Variants in TMEM272 observed in about 807,000 individuals in gnomAD.
TMEM272 encodes transmembrane protein 272, also known as long intergenic non-protein coding RNA 282.
A neutral mutation model predicts 3.7 loss-of-function variants in TMEM272; 8 were observed. The observed-to-expected ratio is 2.17, with a 90% confidence interval of 1.27 to 3.91. The LOEUF is 3.91. TMEM272 is among the 30% of genes most tolerant of loss of function. The pLI is 0.00. For missense variants in TMEM272, 166 were observed against 91.5 expected (o/e 1.81, Z -3.32); for synonymous variants, 63 against 39.8 (o/e 1.58, Z -2.20).
the TMEM272 span, among the ~76,000 whole-genome samples, chr13:51,930,756 A>G: frequency 2.0e-5 from 3 of 151,844 alleles, no homozygotes; most frequent in Non-Finnish European, 4.4e-5. Flanking sequence ...TAGAGCAAAA[A>G]AAAAAAACCC....
the TMEM272 span, chr13:51,865,737 C>T: frequency 6.2e-7 from 1 of 1,613,950 alleles, no homozygotes; most frequent in African/African-American, 1.3e-5. Context: ...GAAGAGAAAA[C>T]TTTCTGGAAA....
In TMEM272 at chr13:51,816,202, G is replaced by A. The variant is rs1434177459; in HGVS notation, c.*549C>T. On this transcript the variant is annotated 3_prime_UTR_variant, in exon 5 of 5. Transcript: ENST00000629372. ...GTCAAACCTATCTGATATAGGGCTGGAAGAGACTGCTCCTTCACTTTCCCA... is the reference window on the plus strand; with the variant it reads ...GTCAAACCTATCTGATATAGGGCTGAAAGAGACTGCTCCTTCACTTTCCCA... 1 of 155,790 alleles carries A rather than the reference G, an allele frequency of 6.4e-6. No individual in the cohort carries two copies. Among genetic ancestry groups the A allele is most frequent in the African/African-American group, 2.4e-5 (1 of 41,486 alleles). 9.7% of individuals were successfully genotyped at this position (155,790 alleles called of 1,614,324 possible). A position where few individuals can be genotyped will look rare whatever the true frequency, so the allele number is the denominator to read the frequency against.
At chr13:51,880,367 T>C in the TMEM272 span, among the ~76,000 whole-genome samples, 2 of 151,926 alleles carry the variant, frequency 1.3e-5, no homozygotes, top group African/African-American at 2.4e-5. Context: ...AGAGAACCTG[T>C]ATAATTATGA....
At chr13:51,909,272 A>T in the TMEM272 span, 2 of 1,046,168 alleles carry the variant, frequency 1.9e-6, no homozygotes, top group Non-Finnish European at 3.0e-6. Context: ...CATGGTATAT[A>T]ATCTTCCCTT....
the TMEM272 span, among the ~76,000 whole-genome samples, chr13:51,872,002 C>T: frequency 2.0e-5 from 3 of 152,272 alleles, no homozygotes; most frequent in East Asian, 5.8e-4. Context: ...ATTCTGGGGA[C>T]TCGCCCATGC....
At chr13:51,922,014 A>G in the TMEM272 span, among the ~76,000 whole-genome samples, 1 of 152,162 alleles carries the variant, frequency 6.6e-6, no homozygotes, top group Non-Finnish European at 1.5e-5. Flanking sequence ...TTTTTAAAAC[A>G]TAACTGTCAA....
chr13:51,822,260 G>T, intron 3 of TMEM272, 123 bp from the exon 4 acceptor site: 1 of 599,400 alleles, frequency 1.7e-6, no homozygotes, highest in Non-Finnish European at 3.0e-6. Context: ...TATGCTTGTG[G>T]GATCTGCTCA....
the TMEM272 span, among the ~76,000 whole-genome samples, chr13:51,860,739 G>GTATATATATATATATATATA: frequency 8.5e-6 from 1 of 118,226 alleles, no homozygotes; most frequent in African/African-American, 3.1e-5. Flanking sequence ...ATGTGTGTGT[G>GTATATATATATATATATATA]TATATATATA....
the TMEM272 span, among the ~76,000 whole-genome samples, chr13:51,860,775 CAT>C: frequency 6.9e-6 from 1 of 145,730 alleles, no homozygotes; most frequent in Admixed American, 6.9e-5. Context: ...ACTTTGTATA[CAT>C]ATACTTTTAT....
the TMEM272 span, among the ~76,000 whole-genome samples, chr13:51,856,961 T>TA: frequency 6.6e-6 from 1 of 152,242 alleles, no homozygotes; most frequent in Non-Finnish European, 1.5e-5. Context: ...AAGGCACTTC[T>TA]ATTTGGATTT....
At chr13:51,855,536 A>C in the TMEM272 span, among the ~76,000 whole-genome samples, 1 of 152,310 alleles carries the variant, frequency 6.6e-6, no homozygotes, top group African/African-American at 2.4e-5. Context: ...AAATAACTAC[A>C]ATTAATAAAT....
At chr13:51,839,872 C>T (rs1956246780) in intron 1 of TMEM272, among the ~76,000 whole-genome samples, 1 of 152,154 alleles carries the variant, frequency 6.6e-6, no homozygotes, top group African/African-American at 2.4e-5. Flanking sequence ...GGCTGAGACT[C>T]GGGGTTCTTA....
intron 2 of TMEM272, among the ~76,000 whole-genome samples, chr13:51,835,452 T>C (rs936786564): frequency 6.6e-6 from 1 of 152,168 alleles, no homozygotes; most frequent in Non-Finnish European, 1.5e-5. Context: ...TCTCGATCTC[T>C]TGACGTCGTG....
the TMEM272 span, among the ~76,000 whole-genome samples, chr13:51,884,914 G>A: frequency 8.5e-5 from 13 of 152,306 alleles, no homozygotes; most frequent in African/African-American, 3.1e-4. Context: ...AAATGAGGAA[G>A]TTATAGCTAG....
chr13:51,928,994 C>T, the TMEM272 span, among the ~76,000 whole-genome samples: 4 of 152,136 alleles, frequency 2.6e-5, no homozygotes, highest in South Asian at 2.1e-4. Context: ...GTCAGGAGAT[C>T]GAGACCATCC....
At chr13:51,865,328 A>G in the TMEM272 span, 1 of 1,474,364 alleles carries the variant, frequency 6.8e-7, no homozygotes, top group Non-Finnish European at 9.1e-7. Context: ...TGCTGCCCCC[A>G]CAGGGTCTGA....
the TMEM272 span, among the ~76,000 whole-genome samples, chr13:51,914,734 C>T: frequency 9.9e-5 from 15 of 152,232 alleles, no homozygotes; most frequent in African/African-American, 3.6e-4. Context: ...AGAGCAGCAG[C>T]CTCACAGCAC....
upstream of TMEM272, among the ~76,000 whole-genome samples, chr13:51,850,087 T>C (rs918030278): frequency 1.3e-5 from 2 of 152,222 alleles, no homozygotes; most frequent in Non-Finnish European, 1.5e-5. Context: ...TGTGTGCCTG[T>C]AGTCCCAGCT....
chr13:51,832,920 G>A (rs1257619033), intron 2 of TMEM272, among the ~76,000 whole-genome samples: 1 of 152,226 alleles, frequency 6.6e-6, no homozygotes, highest in African/African-American at 2.4e-5. Context: ...GAGATGAGAT[G>A]TGCACCCAAG....
Sources: allele counts gnomAD v4.1 joint callset (sites outside exome capture counted in the v4.1 genomes callset), GRCh38; gene constraint gnomAD v4.1.1; transcripts MANE v1.5; gene names NCBI Gene and HGNC (gene_info 2026-07-23, HGNC 2026-07-21).